Variants in FOXL1 observed in about 807,000 individuals in gnomAD.
FOXL1 encodes the protein forkhead box L1.
Under a neutral mutation model 1.7 loss-of-function variants are expected in FOXL1, and 2 were observed. That is an observed-to-expected ratio of 1.21 (90% CI 0.49 to 3.80). The LOEUF is 3.80. Among genes scored for constraint, FOXL1 ranks in the 30% most tolerant of loss-of-function variants. FOXL1 has a pLI of 0.07. For missense variants in FOXL1, 565 were observed against 495.8 expected, an observed-to-expected ratio of 1.14 and a Z score of -1.32; for synonymous variants, 280 against 229.3, an observed-to-expected ratio of 1.22 and a Z score of -2.00.
Position 86,580,714 on chromosome 16 carries a change from G to A in FOXL1, c.*953G>A, listed in dbSNP as rs1974401902. 6.0e-6 allele frequency: 1 copy of A among 167,000 alleles called. No individual in the cohort carries two copies. The highest frequency in any genetic ancestry group is 1.5e-5 in the Non-Finnish European group (1 of 68,104). The allele number at this position is 167,000 out of a possible 1,614,324, so 10.3% of individuals were successfully genotyped here. A position where few individuals can be genotyped will look rare whatever the true frequency, so the allele number is the denominator to read the frequency against. On this transcript the variant is annotated 3_prime_UTR_variant, in exon 1 of 1. Transcript: ENST00000320241. ...GTGTGAGGGGAAGGGGATATGCCTT[G>A]GACAATGTCAGAGTTTTGATTTCCA...
Position 86,579,356 on chromosome 16 carries a change from C to T in FOXL1, c.633C>T (p.Thr211=), listed in dbSNP as rs1235453255. The change falls in exon 1 of 1, where the codon ACC becomes ACT. Residue 211 remains threonine, a synonymous_variant. Coordinates refer to ENST00000320241, the MANE Select transcript of FOXL1 (RefSeq NM_005250.3). The part of the protein sequence containing the change: ...SPPAPLHWPG[T]ASPNEDAGDA... ...CGGCGCCCCTCCACTGGCCGGGGAC[C>T]GCGTCCCCGAACGAGGACGCTGGTG... 5.4e-6 allele frequency: 8 copies of T among 1,493,748 alleles called. No homozygotes were observed. Among genetic ancestry groups the T allele is most frequent in the African/African-American group, 2.9e-5 (2 of 68,616 alleles). The allele number at this position is 1,493,748 out of a possible 1,614,324, so 92.5% of individuals were successfully genotyped here.
Position 86,579,395 on chromosome 16 carries a change from C to A in FOXL1, c.672C>A (p.Gly224=), listed in dbSNP as rs1294945462. The part of the protein sequence containing the change: ...PNEDAGDAAQ[G]AAAVAVGQAA... ...AGGACGCTGGTGACGCTGCCCAGGG[C>A]GCAGCGGCCGTGGCGGTCGGCCAGG... Residue 224 remains glycine, a synonymous_variant, in exon 1 of 1, where the codon GGC becomes GGA. Transcript: ENST00000320241. 4 of 1,523,302 alleles carry A rather than the reference C, an allele frequency of 2.6e-6. No individual in the cohort carries two copies. In the South Asian group the frequency reaches 3.7e-5, roughly 14 times the overall value. 94.4% of individuals were successfully genotyped at this position (1,523,302 alleles called of 1,614,324 possible).
chr16:86,578,897 C>A lies in FOXL1; in HGVS notation c.174C>A (p.Ile58=). Residue 58 remains isoleucine (I), a synonymous_variant, in exon 1 of 1, where the codon ATC becomes ATA. Coordinates refer to ENST00000320241, the MANE Select transcript of FOXL1 (RefSeq NM_005250.3). ...CTCCCTACAGCTACATCGCGCTCATCGCCATGGCGATCCAGGACGCGCCCG... is the reference window on the plus strand; with the variant it reads ...CTCCCTACAGCTACATCGCGCTCATAGCCATGGCGATCCAGGACGCGCCCG... ...QKPPYSYIAL[I]AMAIQDAPEQ... 3 of 1,614,172 alleles carry A rather than the reference C, an allele frequency of 1.9e-6. No homozygotes were observed. The highest frequency in any genetic ancestry group is 2.5e-6 in the Non-Finnish European group (3 of 1,180,010).
In FOXL1 at chr16:86,578,888, C is replaced by G; in HGVS notation, c.165C>G (p.Ile55Met). The change falls in exon 1 of 1, where the codon ATC (isoleucine) becomes ATG (methionine). Residue 55 changes from isoleucine (I) to methionine (M), a missense_variant. By Grantham distance (10) the Ile-to-Met change is conservative. Coordinates refer to ENST00000320241, the MANE Select transcript of FOXL1 (RefSeq NM_005250.3). ...ETPQKPPYSY[I>M]ALIAMAIQDA... is the part of the protein sequence containing the mutation. ...CGCAGAAGCCTCCCTACAGCTACAT[C>G]GCGCTCATCGCCATGGCGATCCAGG... The G allele has an allele frequency of 6.2e-7, 1 of 1,614,162 alleles. No individual in the cohort carries two copies. The highest frequency in any genetic ancestry group is 8.5e-7 in the Non-Finnish European group (1 of 1,180,010).
At position 86,581,132 on chromosome 16, in the gene FOXL1, A is replaced by G. The variant is rs1317323562; in HGVS notation, c.*1371A>G. ...TAAGAACATTGAGATGTTCACAACC[A>G]AGTTCAGCTTGCAGCTTCCGGGGAA... On this transcript the variant is annotated 3_prime_UTR_variant, in exon 1 of 1. Transcript: ENST00000320241. The G allele has an allele frequency of 6.0e-6, 1 of 167,018 alleles. No homozygotes were observed. Among genetic ancestry groups the G allele is most frequent in the African/African-American group, 2.4e-5 (1 of 41,442 alleles). The allele number at this position is 167,018 out of a possible 1,614,324, so 10.3% of individuals were successfully genotyped here.
rs1016306011 is a variant in FOXL1 at position 86,579,914 on chromosome 16, G to C, written c.*153G>C. 1 of 766,292 alleles carries C rather than the reference G, an allele frequency of 1.3e-6. No individual in the cohort carries two copies. The highest frequency in any genetic ancestry group is 2.1e-6 in the Non-Finnish European group (1 of 476,190). The allele number at this position is 766,292 out of a possible 1,614,324, so 47.5% of individuals were successfully genotyped here. A position where few individuals can be genotyped will look rare whatever the true frequency, so the allele number is the denominator to read the frequency against. On this transcript the variant is annotated 3_prime_UTR_variant, in exon 1 of 1. Coordinates refer to ENST00000320241, the MANE Select transcript of FOXL1 (RefSeq NM_005250.3). ...GTTACCAACCATTGCGCGCAGGTGG[G>C]CGCGCTCGCCTGCCTTCTCCGAAGC...
Position 86,578,815 on chromosome 16 carries a change from C to T in FOXL1, c.92C>T (p.Ala31Val). The T allele has an allele frequency of 6.2e-7, 1 of 1,613,592 alleles. No homozygotes were observed. The highest frequency in any genetic ancestry group is 2.2e-5 in the East Asian group (1 of 44,856). Residue 31 changes from alanine (A) to valine (V), a missense_variant, in exon 1 of 1, where the codon GCC becomes GTC. By Grantham distance (64) the Ala-to-Val change is moderately conservative. Transcript: ENST00000320241. Reference sequence around the variant, plus strand: ...CCCGAGAGACCCGGCCTCCCTCTGGCCTTCGCCCCCGCGGCTGCTCTAGCT... The same window carrying T: ...CCCGAGAGACCCGGCCTCCCTCTGGTCTTCGCCCCCGCGGCTGCTCTAGCT... ...YGPERPGLPL[A>V]FAPAAALAAS...
At position 86,581,317 on chromosome 16, in the gene FOXL1, C is replaced by G. The variant is rs573819854; in HGVS notation, c.*1556C>G. On this transcript the variant is annotated 3_prime_UTR_variant, in exon 1 of 1. Transcript: ENST00000320241. ...GTTGGGAGGGAGGTCTTTAAGATCG[C>G]TTTTAAAATAGTTTCCAGGACTTGT... The G allele has an allele frequency of 6.0e-6, 1 of 167,182 alleles. No homozygotes were observed. Among genetic ancestry groups the G allele is most frequent in the South Asian group, 2.1e-4 (1 of 4,822 alleles). The allele number at this position is 167,182 out of a possible 1,614,324, so 10.4% of individuals were successfully genotyped here.
In FOXL1 at chr16:86,580,531, T is replaced by G. The variant is rs1292294137; in HGVS notation, c.*770T>G. On this transcript the variant is annotated 3_prime_UTR_variant, in exon 1 of 1. Coordinates refer to ENST00000320241, the MANE Select transcript of FOXL1 (RefSeq NM_005250.3). Reference sequence around the variant, plus strand: ...CTTTGAAAACGCTTGTATTAACAATTTTTATTAAGAAAGTGCACTCTATAT... The same window carrying G: ...CTTTGAAAACGCTTGTATTAACAATGTTTATTAAGAAAGTGCACTCTATAT... 1 of 166,922 alleles carries G rather than the reference T, an allele frequency of 6.0e-6. No individual in the cohort carries two copies. Among genetic ancestry groups the G allele is most frequent in the Non-Finnish European group, 1.5e-5 (1 of 68,138 alleles). The allele number at this position is 166,922 out of a possible 1,614,324, so 10.3% of individuals were successfully genotyped here. A position where few individuals can be genotyped will look rare whatever the true frequency, so the allele number is the denominator to read the frequency against.
Position 86,582,774 on chromosome 16 carries a change from A to G in FOXL1, c.*3013A>G, listed in dbSNP as rs958496617. The stretch of plus-strand genomic sequence containing the variant: ...TCCTTTCACTTTAACCCAAGTATTG[A>G]TACTATTTGAAAGATTTTGTTTTTC... On this transcript the variant is annotated 3_prime_UTR_variant, in exon 1 of 1. Transcript: ENST00000320241. Among the ~76,000 whole-genome samples the G allele has an allele frequency of 6.6e-6, 1 of 152,082 alleles. No individual in the cohort carries two copies. The highest frequency in any genetic ancestry group is 1.5e-5 in the Non-Finnish European group (1 of 68,026).
Position 86,578,943 on chromosome 16 carries a change from G to A in FOXL1, c.220G>A (p.Gly74Ser). ...DAPEQRVTLN[G>S]IYQFIMDRFP... ...GCCCGAGCAGAGGGTCACGCTCAAC[G>A]GCATCTACCAGTTCATCATGGACCG... The change falls in exon 1 of 1, where the codon GGC (glycine) becomes AGC (serine). Residue 74 changes from glycine (G) to serine (S), a missense_variant. Physicochemically the swap from Gly to Ser is moderately conservative, Grantham distance 56. Transcript: ENST00000320241. 9 of 1,614,162 alleles carry A rather than the reference G, an allele frequency of 5.6e-6. No individual in the cohort carries two copies. The highest frequency in any genetic ancestry group is 7.6e-6 in the Non-Finnish European group (9 of 1,180,002).
rs1974421298 is a variant in FOXL1, at chr16:86,582,120, G to A, written c.*2359G>A. ...AAAAATGCAGATGTATCCACTTTGT[G>A]TGTTTATACATGCATAAAGAGAAAT... On this transcript the variant is annotated 3_prime_UTR_variant, in exon 1 of 1. Transcript: ENST00000320241. The A allele has an allele frequency of 3.3e-5, 5 of 152,186 alleles. No homozygotes were observed. The highest frequency in any genetic ancestry group is 2.6e-4 in the Admixed American group (4 of 15,278). The allele number at this position is 152,186 out of a possible 1,614,324, so 9.4% of individuals were successfully genotyped here. A position where few individuals can be genotyped will look rare whatever the true frequency, so the allele number is the denominator to read the frequency against.
At position 86,579,621 on chromosome 16, in the gene FOXL1, G is replaced by T. The variant is rs1397985242; in HGVS notation, c.898G>T (p.Ala300Ser). ...GGRLGASLLA[A>S]SSSLRPPFNA... is the part of the protein sequence containing the mutation. Reference sequence around the variant, plus strand: ...CCGTCTGGGTGCCTCGCTCCTGGCCGCCTCCTCCAGCCTCCGTCCGCCTTT... The same window carrying T: ...CCGTCTGGGTGCCTCGCTCCTGGCCTCCTCCTCCAGCCTCCGTCCGCCTTT... Residue 300 changes from alanine to serine, a missense_variant, in exon 1 of 1, where the codon GCC becomes TCC. Transcript: ENST00000320241. 9 of 1,613,196 alleles carry T rather than the reference G, an allele frequency of 5.6e-6. No homozygotes were observed. The highest frequency in any genetic ancestry group is 6.8e-6 in the Non-Finnish European group (8 of 1,179,916).
rs1388224229 is a variant in FOXL1, at chr16:86,581,349, A to G, written c.*1588A>G. The G allele has an allele frequency of 6.0e-6, 1 of 167,156 alleles. No individual in the cohort carries two copies. The highest frequency in any genetic ancestry group is 2.4e-5 in the African/African-American group (1 of 41,476). 10.4% of individuals were successfully genotyped at this position (167,156 alleles called of 1,614,324 possible). A position where few individuals can be genotyped will look rare whatever the true frequency, so the allele number is the denominator to read the frequency against. On this transcript the variant is annotated 3_prime_UTR_variant, in exon 1 of 1. Transcript: ENST00000320241. The stretch of plus-strand genomic sequence containing the variant: ...AATAGTTTCCAGGACTTGTCTAAAA[A>G]TGATGACAAACTTTGAATCCAGAGG...
Position 86,579,732 on chromosome 16 carries a change from G to A in FOXL1, c.1009G>A (p.Val337Ile). ...IPFLSYFPLQ[V>I]PDTVLHFQ The stretch of plus-strand genomic sequence containing the variant: ...CTTCCTCTCTTATTTCCCCCTGCAG[G>A]TTCCCGACACGGTACTCCACTTCCA... Residue 337 changes from valine (V) to isoleucine (I), a missense_variant, in exon 1 of 1, where the codon GTT (valine) becomes ATT (isoleucine). Transcript: ENST00000320241. The A allele has an allele frequency of 1.9e-6, 3 of 1,613,508 alleles. No homozygotes were observed. Among genetic ancestry groups the A allele is most frequent in the South Asian group, 1.1e-5 (1 of 91,088 alleles).
In FOXL1 at chr16:86,578,730, C is replaced by T. The variant is rs781327502; in HGVS notation, c.7C>T (p.His3Tyr). Residue 3 changes from histidine to tyrosine, a missense_variant, in exon 1 of 1, where the codon CAC becomes TAC. Physicochemically the swap from His to Tyr is moderately conservative, Grantham distance 83. Coordinates refer to ENST00000320241, the MANE Select transcript of FOXL1 (RefSeq NM_005250.3). MSHLFDPRLPALA... is the reference protein window; with the variant it reads MSYLFDPRLPALA... Reference sequence around the variant, plus strand: ...GCGCAGGCTCTCGCTTGCCATGAGTCACCTCTTCGATCCCCGGCTGCCTGC... The same window carrying T: ...GCGCAGGCTCTCGCTTGCCATGAGTTACCTCTTCGATCCCCGGCTGCCTGC... 1 of 1,602,256 alleles carries T rather than the reference C, an allele frequency of 6.2e-7. No homozygotes were observed. The highest frequency in any genetic ancestry group is 1.1e-5 in the South Asian group (1 of 90,632).
At position 86,582,761 on chromosome 16, in the gene FOXL1, A is replaced by T. The variant is rs1974428487; in HGVS notation, c.*3000A>T. Among the ~76,000 whole-genome samples, 1 of 152,054 alleles carries T rather than the reference A, an allele frequency of 6.6e-6. No homozygotes were observed. Among genetic ancestry groups the T allele is most frequent in the African/African-American group, 2.4e-5 (1 of 41,386 alleles). ...ATCAAGTACTGAGTCCTTTCACTTT[A>T]ACCCAAGTATTGATACTATTTGAAA... On this transcript the variant is annotated 3_prime_UTR_variant, in exon 1 of 1. Transcript: ENST00000320241.
Position 86,579,173 on chromosome 16 carries a change from G to C in FOXL1, c.450G>C (p.Gly150=). 1 of 1,606,410 alleles carries C rather than the reference G, an allele frequency of 6.2e-7. No individual in the cohort carries two copies. Among genetic ancestry groups the C allele is most frequent in the Non-Finnish European group, 8.5e-7 (1 of 1,177,092 alleles). Residue 150 remains glycine, a synonymous_variant, in exon 1 of 1, where the codon GGG becomes GGC. Transcript: ENST00000320241. The part of the protein sequence containing the change: ...RRKRKPKPGP[G]APEAKRPRAE... Reference sequence around the variant, plus strand: ...AGAGGAAGCCCAAGCCGGGCCCCGGGGCCCCGGAGGCCAAGAGGCCCCGCG... The same window carrying C: ...AGAGGAAGCCCAAGCCGGGCCCCGGCGCCCCGGAGGCCAAGAGGCCCCGCG...
In FOXL1 at chr16:86,579,672, C is replaced by G; in HGVS notation, c.949C>G (p.His317Asp). The change falls in exon 1 of 1, where the codon CAT (histidine) becomes GAT (aspartate). Residue 317 changes from histidine (H) to aspartate (D), a missense_variant. His to Asp is a moderately conservative substitution (Grantham distance 81). Coordinates refer to ENST00000320241, the MANE Select transcript of FOXL1 (RefSeq NM_005250.3). The stretch of plus-strand genomic sequence containing the variant: ...CAACGCTTCCCTGATGCTCGACCCG[C>G]ATGTCCAGGGCGGCTTTTACCAGCT... Reference protein sequence around the residue: ...PFNASLMLDPHVQGGFYQLGI... With the variant: ...PFNASLMLDPDVQGGFYQLGI... 1 of 1,613,954 alleles carries G rather than the reference C, an allele frequency of 6.2e-7. No individual in the cohort carries two copies. The highest frequency in any genetic ancestry group is 1.7e-5 in the Admixed American group (1 of 60,034).
Sources: gnomAD v4.1 joint callset for allele counts (sites outside exome capture counted in the v4.1 genomes callset) on GRCh38, gnomAD v4.1.1 for gene constraint, MANE v1.5 for transcripts, NCBI Gene and HGNC (gene_info 2026-07-23, HGNC 2026-07-21) for gene names.